The following MYO5B variants were observed in gnomAD, a reference collection of about 807,000 sequenced individuals.
MYO5B encodes the protein myosin VB, also known as unconventional myosin-Vb.
Under a neutral mutation model 229.3 loss-of-function variants are expected in MYO5B, and 143 were observed. The observed-to-expected ratio is 0.62, with a 90% CI of 0.54 to 0.72. The LOEUF (loss-of-function observed/expected upper bound fraction) is 0.72. Among genes scored for constraint, MYO5B ranks in the 30% least tolerant of loss-of-function variants. MYO5B has a pLI of 0.00. For missense variants in MYO5B, 2,321 were observed against 2,331.0 expected, an observed-to-expected ratio of 1.00 and a Z score of 0.09; for synonymous variants, 918 against 885.2, an observed-to-expected ratio of 1.04 and a Z score of -0.66.
rs1336593940 is a variant in MYO5B at position 49,878,942 on chromosome 18, T to C, written c.3276+3A>G. 1 of 1,613,984 alleles carries C rather than the reference T, an allele frequency of 6.2e-7. No individual in the cohort carries two copies. The highest frequency in any genetic ancestry group is 1.7e-5 in the Admixed American group (1 of 60,008). On this transcript the variant is annotated splice_donor_region_variant and intron_variant, in intron 24 of 39. Transcript: ENST00000285039. Reference sequence around the variant, plus strand: ...CATGGCACAGCAGAAGCACCCCCCTTGCCTTTATGATGGTCATTTCATCCC... The same window carrying C: ...CATGGCACAGCAGAAGCACCCCCCTCGCCTTTATGATGGTCATTTCATCCC...
intron 1 of MYO5B, among the ~76,000 whole-genome samples, chr18:50,190,916 T>A (rs750869227): frequency 4.3e-4 from 66 of 152,384 alleles, no homozygotes; most frequent in Non-Finnish European, 6.5e-4. Context: ...GGTAATTATT[T>A]CCATCATACA....
At chr18:49,878,864 G>A in intron 24 of MYO5B, 81 bp downstream of exon 24, 1 of 1,506,448 alleles carries the variant, frequency 6.6e-7, no homozygotes, top group Non-Finnish European at 9.2e-7. Flanking sequence ...ATATCAGAAA[G>A]CAGTGCCTGA....
intron 29 of MYO5B, among the ~76,000 whole-genome samples, chr18:49,860,335 T>C (rs780264970): frequency 5.9e-5 from 9 of 152,098 alleles, no homozygotes; most frequent in Non-Finnish European, 1.3e-4. Context: ...CCTTCTCCCA[T>C]ATACAGCCCT....
intron 12 of MYO5B, among the ~76,000 whole-genome samples, chr18:49,957,418 G>A (rs1244164347): frequency 1.3e-5 from 2 of 152,054 alleles, no homozygotes; most frequent in Non-Finnish European, 2.9e-5. Flanking sequence ...GAGGTGGGAG[G>A]ATGGCTTGAG....
chr18:50,174,531 G>A (rs1457141479), intron 1 of MYO5B, among the ~76,000 whole-genome samples: 5 of 152,134 alleles, frequency 3.3e-5, no homozygotes, highest in Non-Finnish European at 4.4e-5. Flanking sequence ...CTACCTCAGA[G>A]GGCTCTTGTG....
intron 31 of MYO5B, among the ~76,000 whole-genome samples, chr18:49,852,201 G>A (rs1358519600): frequency 1.3e-5 from 2 of 152,240 alleles, no homozygotes; most frequent in African/African-American, 4.8e-5. Context: ...GTGAGCTAAC[G>A]CAGTACCTGC....
chr18:50,179,812 T>C (rs1261254662), intron 1 of MYO5B, among the ~76,000 whole-genome samples: 1 of 152,174 alleles, frequency 6.6e-6, no homozygotes, highest in African/African-American at 2.4e-5. Context: ...CTCATCTCCC[T>C]TAATGCCTAA....
intron 1 of MYO5B, among the ~76,000 whole-genome samples, chr18:50,146,349 C>G (rs901235071): frequency 6.6e-6 from 1 of 152,250 alleles, no homozygotes; most frequent in African/African-American, 2.4e-5. Flanking sequence ...GGAAAGCCCT[C>G]TTCCTACATG....
At chr18:50,193,879 T>G (rs1050202332) in intron 1 of MYO5B, among the ~76,000 whole-genome samples, 2 of 152,216 alleles carry the variant, frequency 1.3e-5, no homozygotes, top group Admixed American at 1.3e-4. Flanking sequence ...CTGGAAGCGG[T>G]GGCTTGTCCC....
chr18:50,094,954 A>T (rs2031521389), intron 1 of MYO5B, among the ~76,000 whole-genome samples: 1 of 152,152 alleles, frequency 6.6e-6, no homozygotes, highest in Non-Finnish European at 1.5e-5. Flanking sequence ...CAGCCTCCTG[A>T]GTAGCTGGCA....
intron 1 of MYO5B, among the ~76,000 whole-genome samples, chr18:50,068,044 TACAC>T (rs4042092): frequency 1.4e-5 from 2 of 147,984 alleles, no homozygotes; most frequent in Non-Finnish European, 3.0e-5. Flanking sequence ...TACACACATA[TACAC>T]ACACACACAC....
intron 17 of MYO5B, among the ~76,000 whole-genome samples, chr18:49,917,257 A>G (rs2025027107): frequency 6.6e-6 from 1 of 152,158 alleles, no homozygotes; most frequent in Admixed American, 6.5e-5. Flanking sequence ...CCTTATACTC[A>G]GTTGCCAATT....
At chr18:50,189,129 T>G (rs546185499) in intron 1 of MYO5B, among the ~76,000 whole-genome samples, 2 of 152,128 alleles carry the variant, frequency 1.3e-5, no homozygotes, top group South Asian at 4.1e-4. Flanking sequence ...CCTGGGACCA[T>G]AGAGGGGCCA....
intron 1 of MYO5B, among the ~76,000 whole-genome samples, chr18:50,116,518 T>C (rs985885418): frequency 6.6e-6 from 1 of 151,830 alleles, no homozygotes; most frequent in African/African-American, 2.4e-5. Flanking sequence ...CAGCTTCAGA[T>C]TTAAATCCAA....
At chr18:49,839,820 TA>T (rs2144035620) in intron 35 of MYO5B, 1 of 179,498 alleles carries the variant, frequency 5.6e-6, no homozygotes, top group South Asian at 1.2e-4. Context: ...CTTTCTGTAT[TA>T]ATCAGATGAA....
intron 4 of MYO5B, among the ~76,000 whole-genome samples, chr18:50,006,169 T>C (rs779161778): frequency 6.6e-6 from 1 of 152,140 alleles, no homozygotes; most frequent in Non-Finnish European, 1.5e-5. Context: ...TAACAGGAAG[T>C]AGGGGTAGGG....
intron 2 of MYO5B, among the ~76,000 whole-genome samples, chr18:50,047,697 C>T (rs2030270609): frequency 6.6e-6 from 1 of 152,050 alleles, no homozygotes; most frequent in South Asian, 2.1e-4. Context: ...ACCCAAATGT[C>T]CAACAACGGT....
At chr18:49,884,531 G>T (rs186963355) in intron 22 of MYO5B, among the ~76,000 whole-genome samples, 1 of 151,868 alleles carries the variant, frequency 6.6e-6, no homozygotes, top group Non-Finnish European at 1.5e-5. Context: ...GGAAAGTGTC[G>T]CATGTGCAGT....
intron 1 of MYO5B, among the ~76,000 whole-genome samples, chr18:50,093,513 G>A (rs1244893195): frequency 1.3e-5 from 2 of 152,162 alleles, no homozygotes; most frequent in African/African-American, 4.8e-5. Flanking sequence ...GTTTAAACCA[G>A]AGCAACTCCA....
Sources: gnomAD v4.1 joint callset for allele counts (sites outside exome capture counted in the v4.1 genomes callset) on GRCh38, gnomAD v4.1.1 for gene constraint, MANE v1.5 for transcripts, NCBI Gene and HGNC (gene_info 2026-07-23, HGNC 2026-07-21) for gene names.